FBXO27: variants seen among roughly 807,000 people sequenced by gnomAD.
FBXO27 encodes F-box protein 27.
In FBXO27, 28 loss-of-function variants were observed where a neutral mutation model predicts 28.3. The observed-to-expected ratio is 0.99, with a 90% confidence interval of 0.73 to 1.36. FBXO27 has a LOEUF of 1.36. FBXO27 is among the 40% of genes most tolerant of loss of function. The pLI, the probability that FBXO27 is intolerant of heterozygous loss-of-function variation, is 0.00. For synonymous variants in FBXO27, 175 were observed against 167.3 expected, an observed-to-expected ratio of 1.05 and a Z score of -0.36; for missense variants, 388 against 394.1, an observed-to-expected ratio of 0.98 and a Z score of 0.13.
Position 39,031,855 on chromosome 19 carries a change from A to T in FBXO27, c.364+9T>A. ...CCAGCATCCTGGACTTCCTCTTCCGAGATCCCACCTTGGCCGCAGGGGTTG... is the reference window on the plus strand; with the variant it reads ...CCAGCATCCTGGACTTCCTCTTCCGTGATCCCACCTTGGCCGCAGGGGTTG... On this transcript the variant is annotated intron_variant, in intron 2 of 5. Coordinates refer to ENST00000292853, the MANE Select transcript of FBXO27 (RefSeq NM_178820.5). 1 of 1,469,410 alleles carries T rather than the reference A, an allele frequency of 6.8e-7. No individual in the cohort carries two copies. Among genetic ancestry groups the T allele is most frequent in the Non-Finnish European group, 8.9e-7 (1 of 1,122,926 alleles). The allele number at this position is 1,469,410 out of a possible 1,614,324, so 91.0% of individuals were successfully genotyped here.
chr19:39,031,246 C>G lies in FBXO27; in HGVS notation c.439G>C (p.Gly147Arg). 6.2e-7 allele frequency: 1 copy of G among 1,614,200 alleles called. No individual in the cohort carries two copies. The highest frequency in any genetic ancestry group is 8.5e-7 in the Non-Finnish European group (1 of 1,180,038). The change falls in exon 3 of 6, where the codon GGG becomes CGG. Residue 147 changes from glycine to arginine, a missense_variant. Physicochemically the swap from Gly to Arg is moderately radical, Grantham distance 125. Transcript: ENST00000292853. ...VVEENRTTVP[G>R]APSQTCFVTS... Reference sequence around the variant, plus strand: ...ACGAAGCACGTCTGAGAAGGGGCCCCAGGCACGGTTGTCCTGTTTTCCTCC... The same window carrying G: ...ACGAAGCACGTCTGAGAAGGGGCCCGAGGCACGGTTGTCCTGTTTTCCTCC...
Position 39,012,004 on chromosome 19 carries a change from A to AT in FBXO27, c.252+2382dup, listed in dbSNP as rs972299199. On this transcript the variant is annotated intron_variant, in intron 2 of 2. Transcript: ENST00000598394. Reference sequence around the variant, plus strand: ...CCACCATGACCAGCTAATTTTTTGTATTTTTTTTTTGGTAGAGACGTGGTT... The same window carrying AT: ...CCACCATGACCAGCTAATTTTTTGTATTTTTTTTTTTGGTAGAGACGTGGTT... Among the ~76,000 whole-genome samples the AT allele has an allele frequency of 2.7e-4, 38 of 139,304 alleles. 1 individual carries two copies. Among genetic ancestry groups the AT allele is most frequent in the South Asian group, 6.8e-4 (3 of 4,410 alleles). The allele number at this position is 139,304 out of a possible 152,430, so 91.4% of individuals were successfully genotyped here.
intron 4 of FBXO27, chr19:39,030,674 A>T: frequency 3.8e-6 from 1 of 266,640 alleles, no homozygotes; most frequent in Non-Finnish European, 7.2e-6. Context: ...GCTGGAGTGT[A>T]GTGGTACAAC....
rs548769966 is a variant in FBXO27 at position 39,009,935 on chromosome 19, G to A, written c.252+4452C>T. Among the ~76,000 whole-genome samples, 17 of 151,784 alleles carry A rather than the reference G, an allele frequency of 1.1e-4. No individual in the cohort carries two copies. In the South Asian group the frequency reaches 1.9e-3, roughly 17 times the overall value. On this transcript the variant is annotated intron_variant, in intron 2 of 2. Transcript: ENST00000598394. ...AGTGATTCTCAGGCCTCAGCCTCCC[G>A]AGTAGCTGGGATTATAGGCAGCTAC...
intron 1 of FBXO27, among the ~76,000 whole-genome samples, chr19:39,017,643 G>A (rs1221241181): frequency 7.0e-6 from 1 of 143,826 alleles, no homozygotes; most frequent in East Asian, 2.0e-4. Context: ...CTCCAGCCTG[G>A]GCAACAGCGA....
intron 1 of FBXO27, among the ~76,000 whole-genome samples, chr19:39,014,734 A>C (rs7258313): frequency 0.53 from 78,301 of 148,852 alleles, 20,998 homozygotes; most frequent in African/African-American, 0.61. Context: ...TAAAAACAAA[A>C]AAACAAACAA....
intron 2 of FBXO27, among the ~76,000 whole-genome samples, chr19:39,005,934 C>A (rs951681474): frequency 5.9e-5 from 9 of 152,306 alleles, no homozygotes; most frequent in African/African-American, 1.9e-4. Context: ...GGTTGGCTGA[C>A]ACCACTTTAA....
chr19:39,009,630 G>A (rs2072785398), intron 2 of FBXO27, among the ~76,000 whole-genome samples: 2 of 152,020 alleles, frequency 1.3e-5, no homozygotes, highest in African/African-American at 4.8e-5. Flanking sequence ...TTGCCCATTT[G>A]AAAACTGAGT....
At chr19:39,012,901 A>G (rs1320599641) in intron 2 of FBXO27, among the ~76,000 whole-genome samples, 3 of 152,112 alleles carry the variant, frequency 2.0e-5, no homozygotes, top group Admixed American at 2.0e-4. Flanking sequence ...TAGAGGTTGC[A>G]GTGAGTCAAG....
chr19:39,032,217 G>A lies in FBXO27; in HGVS notation c.11C>T (p.Ser4Leu), dbSNP rs755913113. Reference protein sequence around the residue: MGASVSRGRAARVP... With the variant: MGALVSRGRAARVP... ...CCGGGCGGCCCGGCCCCTGGAGACC[G>A]AGGCGCCCATGGTCCCCCCGCCAGG... The change falls in exon 2 of 6, where the codon TCG becomes TTG. Residue 4 changes from serine to leucine, a missense_variant. Coordinates refer to ENST00000292853, the MANE Select transcript of FBXO27 (RefSeq NM_178820.5). This position sits in a 1 kb window ranked among gnomAD's most constrained non-coding sequence, Gnocchi z 4.7. The A allele has an allele frequency of 3.5e-6, 5 of 1,448,692 alleles. No homozygotes were observed. Among genetic ancestry groups the A allele is most frequent in the Non-Finnish European group, 4.5e-6 (5 of 1,107,516 alleles). 89.7% of individuals were successfully genotyped at this position (1,448,692 alleles called of 1,614,324 possible).
intron 2 of FBXO27, among the ~76,000 whole-genome samples, chr19:39,013,732 G>A (rs1403763718): frequency 6.6e-6 from 1 of 151,772 alleles, no homozygotes; most frequent in Admixed American, 6.6e-5. Flanking sequence ...CCCTTTCCTT[G>A]GCCTGGCGTG....
Position 39,025,238 on chromosome 19 carries a change from TG to T in FBXO27, c.*172del. ...TAGATAAGATGGAAGAAGCTTCTTCTGGTAGTTTCTAGAACCTGAAGACAGG... is the reference window on the plus strand; with the variant it reads ...TAGATAAGATGGAAGAAGCTTCTTCTGTAGTTTCTAGAACCTGAAGACAGG... On this transcript the variant is annotated 3_prime_UTR_variant, in exon 6 of 6. Transcript: ENST00000292853. 1.2e-6 allele frequency: 1 copy of T among 806,852 alleles called. No individual in the cohort carries two copies. Among genetic ancestry groups the T allele is most frequent in the African/African-American group, 1.7e-5 (1 of 58,242 alleles). 50.0% of individuals were successfully genotyped at this position (806,852 alleles called of 1,614,324 possible).
At chr19:39,015,017 C>CAA (rs35545169) in intron 1 of FBXO27, among the ~76,000 whole-genome samples, 279 of 125,716 alleles carry the variant, frequency 2.2e-3, no homozygotes, top group African/African-American at 3.8e-3. Flanking sequence ...GACTCTGTCT[C>CAA]AAAAAAAAAA....
Position 39,031,075 on chromosome 19 carries a change from G to A in FBXO27, c.526C>T (p.Pro176Ser), listed in dbSNP as rs1247770151. Residue 176 changes from proline (P) to serine (S), a missense_variant, in exon 4 of 6, where the codon CCA becomes TCA. Transcript: ENST00000292853. ...VLDLEEEGLW[P>S]ELLDSGRIEI... ...ATCCTGCCACTATCCAGCAGTTCTG[G>A]CCACAGACCCTCCTCCTCTAGGTCC... 6.2e-7 allele frequency: 1 copy of A among 1,614,102 alleles called. No individual in the cohort carries two copies. Among genetic ancestry groups the A allele is most frequent in the Non-Finnish European group, 8.5e-7 (1 of 1,180,022 alleles).
At chr19:39,013,783 G>T (rs1452945175) in intron 2 of FBXO27, among the ~76,000 whole-genome samples, 1 of 152,004 alleles carries the variant, frequency 6.6e-6, no homozygotes, top group Non-Finnish European at 1.5e-5. Context: ...GGAGGCCAAG[G>T]CAGGCGGATC....
chr19:39,021,786 C>T (rs1190114893), downstream of FBXO27, among the ~76,000 whole-genome samples: 1 of 151,990 alleles, frequency 6.6e-6, no homozygotes, highest in Non-Finnish European at 1.5e-5. Context: ...CCTCAGCCTC[C>T]CGAGTAGCTG....
chr19:39,029,943 G>A (rs774954035), intron 4 of FBXO27, among the ~76,000 whole-genome samples: 127 of 152,284 alleles, frequency 8.3e-4, no homozygotes, highest in Non-Finnish European at 1.5e-3. Context: ...CCGGGTTCAA[G>A]TGATTCTCCT....
chr19:39,029,488 T>G (rs1191795193), intron 4 of FBXO27, among the ~76,000 whole-genome samples: 1 of 151,214 alleles, frequency 6.6e-6, no homozygotes, highest in Non-Finnish European at 1.5e-5. Context: ...CCACTTTGCC[T>G]GGCTCCCCAG....
chr19:39,029,222 T>C (rs947404249), intron 4 of FBXO27, among the ~76,000 whole-genome samples: 6 of 151,272 alleles, frequency 4.0e-5, no homozygotes. Context: ...GGTCAGCAGT[T>C]CAAGACCAGC....
Sources: gnomAD v4.1 joint callset for allele counts (sites outside exome capture counted in the v4.1 genomes callset) on GRCh38, gnomAD v4.1.1 for gene constraint, Gnocchi (gnomAD v3.1) non-coding constraint, MANE v1.5 for transcripts, NCBI Gene and HGNC (gene_info 2026-07-23, HGNC 2026-07-21) for gene names.